Variants in TNRC6B observed in about 807,000 individuals in gnomAD.
The protein encoded by TNRC6B is trinucleotide repeat containing adaptor 6B.
TNRC6B carries 52 observed loss-of-function variants against 203.6 expected under a neutral mutation model. That is an observed-to-expected ratio of 0.26 (90% confidence interval 0.20 to 0.32). TNRC6B has a LOEUF of 0.32. Ranked by LOEUF, TNRC6B falls within the 10% of genes least tolerant of loss-of-function variation. The pLI, the probability that TNRC6B is intolerant of heterozygous loss-of-function variation, is 1.00. For synonymous variants in TNRC6B, 838 were observed against 845.7 expected, an observed-to-expected ratio of 0.99 and a Z score of 0.16; for missense variants, 1,923 against 2,286.2, an observed-to-expected ratio of 0.84 and a Z score of 3.24.
chr22:40,281,205 G>A lies in TNRC6B; in HGVS notation c.3498G>A (p.Leu1166=). The part of the protein sequence containing the change: ...SPFSPSPSYK[L]SPSGSTLPNV... ...TCTCCCCTTCTCCCAGCTACAAGCT[G>A]TCTCCCTCTGGTTCCACACTACCCA... Residue 1166 remains leucine (L), a synonymous_variant, in exon 11 of 23, where the codon CTG becomes CTA. Transcript: ENST00000454349. 1.3e-6 allele frequency: 2 copies of A among 1,551,592 alleles called. No homozygotes were observed. The highest frequency in any genetic ancestry group is 1.7e-6 in the Non-Finnish European group (2 of 1,146,930).
At chr22:40,079,060 A>G (rs547402293) in intron 1 of TNRC6B, among the ~76,000 whole-genome samples, 14 of 151,712 alleles carry the variant, frequency 9.2e-5, no homozygotes, top group Non-Finnish European at 1.9e-4. Context: ...GGCGACAAGC[A>G]TGAAACTCTG....
intron 12 of TNRC6B, among the ~76,000 whole-genome samples, chr22:40,298,965 CA>C (rs1256220059): frequency 1.4e-3 from 192 of 139,436 alleles, no homozygotes; most frequent in Middle Eastern, 3.7e-3. Flanking sequence ...GACTCCGTCT[CA>C]AAAAAAAAAA....
chr22:40,087,102 G>A (rs977416392), intron 1 of TNRC6B, among the ~76,000 whole-genome samples: 2 of 152,120 alleles, frequency 1.3e-5, no homozygotes, highest in South Asian at 4.1e-4. Flanking sequence ...TGCATCAGTA[G>A]TGAAAAGCTT....
chr22:40,267,636 A>C (rs1314943576), intron 5 of TNRC6B, among the ~76,000 whole-genome samples: 1 of 152,190 alleles, frequency 6.6e-6, no homozygotes, highest in Non-Finnish European at 1.5e-5. Flanking sequence ...AGACTAGGGC[A>C]GGAGGATCCC....
At chr22:40,300,031 T>G (rs2071001247) in intron 12 of TNRC6B, among the ~76,000 whole-genome samples, 1 of 152,254 alleles carries the variant, frequency 6.6e-6, no homozygotes, top group Non-Finnish European at 1.5e-5. Flanking sequence ...TATTTACAAG[T>G]TAATATATTT....
intron 12 of TNRC6B, among the ~76,000 whole-genome samples, chr22:40,299,006 G>T (rs1231661359): frequency 2.0e-5 from 3 of 151,744 alleles, no homozygotes; most frequent in Non-Finnish European, 2.9e-5. Context: ...TGGGAGCGGT[G>T]GCTCATACTT....
At chr22:40,204,465 A>C (rs1233555350) in intron 1 of TNRC6B, among the ~76,000 whole-genome samples, 2 of 152,348 alleles carry the variant, frequency 1.3e-5, no homozygotes, top group Admixed American at 1.3e-4. Context: ...CAGACAGTGT[A>C]CATTTTCCTG....
chr22:40,087,358 G>A (rs919092016), intron 1 of TNRC6B, among the ~76,000 whole-genome samples: 2 of 152,130 alleles, frequency 1.3e-5, no homozygotes, highest in African/African-American at 4.8e-5. Context: ...TTTTATACAT[G>A]ATATGTTAAG....
chr22:40,195,918 C>G (rs1018036483), intron 1 of TNRC6B, among the ~76,000 whole-genome samples: 5 of 152,144 alleles, frequency 3.3e-5, no homozygotes, highest in Non-Finnish European at 5.9e-5. Context: ...TACAGGCGCC[C>G]GCCACCACGC....
At chr22:40,169,292 C>T (rs910376727) in intron 4 of TNRC6B, among the ~76,000 whole-genome samples, 1 of 151,714 alleles carries the variant, frequency 6.6e-6, no homozygotes, top group East Asian at 1.9e-4. Flanking sequence ...CCACCACAAC[C>T]AACTAATTTT....
At position 40,308,567 on chromosome 22, in the gene TNRC6B, C is replaced by A. The variant is rs764625921; in HGVS notation, c.4176C>A (p.Thr1392=). The A allele has an allele frequency of 1.2e-6, 2 of 1,613,968 alleles. No homozygotes were observed. Among genetic ancestry groups the A allele is most frequent in the Non-Finnish European group, 1.7e-6 (2 of 1,179,880 alleles). ...YGMVGGKEAG[T]ESRFKQWTSM... Reference sequence around the variant, plus strand: ...TGGTTGGTGGGAAGGAGGCTGGAACCGAGTCTCGCTTTAAACAGTGGACCT... The same window carrying A: ...TGGTTGGTGGGAAGGAGGCTGGAACAGAGTCTCGCTTTAAACAGTGGACCT... The change falls in exon 16 of 23, where the codon ACC becomes ACA. Residue 1392 remains threonine, a synonymous_variant. Transcript: ENST00000454349.
intron 5 of TNRC6B, among the ~76,000 whole-genome samples, chr22:40,268,475 T>G (rs1472569452): frequency 6.6e-6 from 1 of 152,220 alleles, no homozygotes; most frequent in Non-Finnish European, 1.5e-5. Flanking sequence ...CTCATTCTTT[T>G]TTCAAGTATT....
intron 1 of TNRC6B, among the ~76,000 whole-genome samples, chr22:40,045,297 C>T (rs2067677590): frequency 6.8e-6 from 1 of 146,020 alleles, no homozygotes; most frequent in Middle Eastern, 3.3e-3. Context: ...CTCGGGGCGA[C>T]GTCCGGCGCG....
intron 1 of TNRC6B, among the ~76,000 whole-genome samples, chr22:40,078,767 A>AT (rs2068041067): frequency 6.6e-6 from 1 of 151,422 alleles, no homozygotes; most frequent in Non-Finnish European, 1.5e-5. Flanking sequence ...TAATTTCTGT[A>AT]TTTTTAGTAG....
chr22:40,050,950 G>C (rs953471162), intron 1 of TNRC6B, among the ~76,000 whole-genome samples: 2 of 151,330 alleles, frequency 1.3e-5, no homozygotes, highest in Admixed American at 6.6e-5. Context: ...TCAGCCTCTC[G>C]AGTAGCTAGG....
chr22:40,207,150 C>T (rs1290254246), intron 1 of TNRC6B, among the ~76,000 whole-genome samples: 1 of 151,908 alleles, frequency 6.6e-6, no homozygotes, highest in East Asian at 1.9e-4. Context: ...ACACCACATA[C>T]AAAAATAAAT....
chr22:40,260,658 G>A (rs2070366788), intron 3 of TNRC6B, among the ~76,000 whole-genome samples: 1 of 151,758 alleles, frequency 6.6e-6, no homozygotes, highest in South Asian at 2.1e-4. Context: ...TGGATGAAGG[G>A]AAGGGACCCT....
chr22:40,091,786 G>T (rs1298847631), intron 1 of TNRC6B, among the ~76,000 whole-genome samples: 1 of 151,972 alleles, frequency 6.6e-6, no homozygotes, highest in African/African-American at 2.4e-5. Context: ...TTATATTATT[G>T]TCTACTTCTG....
intron 1 of TNRC6B, among the ~76,000 whole-genome samples, chr22:40,051,150 T>G (rs1160278997): frequency 1.3e-5 from 2 of 152,184 alleles, no homozygotes; most frequent in East Asian, 3.8e-4. Flanking sequence ...TAGCCTTGCC[T>G]ACGTCCTCAG....
Sources: gnomAD v4.1 joint callset for allele counts (sites outside exome capture counted in the v4.1 genomes callset) on GRCh38, gnomAD v4.1.1 for gene constraint, MANE v1.5 for transcripts, NCBI Gene and HGNC (gene_info 2026-07-23, HGNC 2026-07-21) for gene names.